PDZD2: variants seen among roughly 807,000 people sequenced by gnomAD.
PDZD2 encodes the protein PDZ domain-containing protein 2.
Under a neutral mutation model 220.7 loss-of-function variants are expected in PDZD2, and 90 were observed. That is an observed-to-expected ratio of 0.41 (90% CI 0.34 to 0.49). PDZD2 has a LOEUF of 0.49. Ranked by LOEUF, PDZD2 falls within the 20% of genes least tolerant of loss-of-function variation. The pLI is 0.28. For missense variants in PDZD2, 3,174 were observed against 3,608.5 expected, an observed-to-expected ratio of 0.88 and a Z score of 3.08; for synonymous variants, 1,375 against 1,450.5, an observed-to-expected ratio of 0.95 and a Z score of 1.18.
chr5:31,896,722 G>C (rs1313252078), intron 2 of PDZD2, among the ~76,000 whole-genome samples: 2 of 152,204 alleles, frequency 1.3e-5, no homozygotes, highest in South Asian at 4.1e-4. Context: ...CTTCACCAGA[G>C]GCCAAGGTGG....
intron 5 of PDZD2, among the ~76,000 whole-genome samples, chr5:32,001,871 C>T (rs915258476): frequency 1.4e-4 from 21 of 152,124 alleles, no homozygotes; most frequent in Admixed American, 3.9e-4. Context: ...GAGACTAGGG[C>T]AGAGGCTATG....
At chr5:32,015,688 G>C (rs1299002869) in intron 6 of PDZD2, among the ~76,000 whole-genome samples, 2 of 152,070 alleles carry the variant, frequency 1.3e-5, no homozygotes, top group Admixed American at 1.3e-4. Context: ...TGTAAATAAT[G>C]TCTTTGAAAA....
At chr5:31,954,401 T>C (rs568338715) in intron 2 of PDZD2, among the ~76,000 whole-genome samples, 1 of 152,256 alleles carries the variant, frequency 6.6e-6, no homozygotes, top group Non-Finnish European at 1.5e-5. Context: ...AATGTGTTTT[T>C]GTAAAATTTT....
At chr5:31,953,327 T>C (rs912130666) in intron 2 of PDZD2, among the ~76,000 whole-genome samples, 2 of 152,084 alleles carry the variant, frequency 1.3e-5, no homozygotes, top group Non-Finnish European at 2.9e-5. Context: ...GGGAAAAAAG[T>C]ATAAAGTTAA....
intron 2 of PDZD2, among the ~76,000 whole-genome samples, chr5:31,896,136 C>A (rs1359220102): frequency 6.6e-6 from 1 of 152,070 alleles, no homozygotes; most frequent in African/African-American, 2.4e-5. Context: ...GCACGTGACC[C>A]TCTCTGACAC....
At chr5:31,841,701 G>A (rs896301968) in intron 2 of PDZD2, among the ~76,000 whole-genome samples, 9 of 151,538 alleles carry the variant, frequency 5.9e-5, no homozygotes, top group African/African-American at 1.7e-4. Context: ...GGCTAGGTGC[G>A]GTGGCTCACA....
At chr5:31,911,812 G>A (rs1743232148) in intron 2 of PDZD2, among the ~76,000 whole-genome samples, 1 of 152,178 alleles carries the variant, frequency 6.6e-6, no homozygotes, top group Non-Finnish European at 1.5e-5. Context: ...CCAGGACTGC[G>A]CTTCTCTTCT....
intron 2 of PDZD2, among the ~76,000 whole-genome samples, chr5:31,844,370 C>G (rs562231846): frequency 1.3e-5 from 2 of 152,258 alleles, no homozygotes; most frequent in South Asian, 2.1e-4. Context: ...TTCTTGGAAG[C>G]AGATGTCCAT....
intron 2 of PDZD2, chr5:31,923,613 G>A: frequency 4.1e-6 from 3 of 737,170 alleles, no homozygotes; most frequent in East Asian, 2.7e-5. Flanking sequence ...GATAAGAGAT[G>A]GGACATCATT....
chr5:32,035,321 C>A, intron 6 of PDZD2, among the ~76,000 whole-genome samples: 1 of 151,760 alleles, frequency 6.6e-6, no homozygotes. Context: ...AGTGCAGTGG[C>A]GTGATCTCGG....
intron 4 of PDZD2, among the ~76,000 whole-genome samples, chr5:31,995,998 C>T (rs376827208): frequency 1.3e-5 from 2 of 152,138 alleles, no homozygotes; most frequent in Admixed American, 6.5e-5. Context: ...GTGAATGTTA[C>T]GTATCCTAAC....
intron 1 of PDZD2, among the ~76,000 whole-genome samples, chr5:31,715,243 T>A (rs1748375859): frequency 6.6e-6 from 1 of 152,140 alleles, no homozygotes; most frequent in South Asian, 2.1e-4. Flanking sequence ...GAGGGCTTTA[T>A]ACAAGAAGTT....
chr5:32,059,085 A>G (rs1466881572), intron 12 of PDZD2, among the ~76,000 whole-genome samples, 154 bp from the exon 13 acceptor site: 1 of 152,256 alleles, frequency 6.6e-6, no homozygotes, highest in African/African-American at 2.4e-5. Flanking sequence ...GCAAGTGTTG[A>G]CAAGGAAAAG....
At chr5:31,901,751 T>C (rs2150358684) in intron 2 of PDZD2, among the ~76,000 whole-genome samples, 1 of 152,332 alleles carries the variant, frequency 6.6e-6, no homozygotes, top group African/African-American at 2.4e-5. Flanking sequence ...CCTCCATCCA[T>C]TAGCAGTCAC....
chr5:32,073,608 G>T (rs533601559), intron 17 of PDZD2, among the ~76,000 whole-genome samples: 2 of 119,192 alleles, frequency 1.7e-5, no homozygotes, highest in East Asian at 6.4e-4. Flanking sequence ...AGAAAAGGGC[G>T]GGGGGGGTAG....
intron 2 of PDZD2, among the ~76,000 whole-genome samples, chr5:31,848,877 G>A (rs536857976): frequency 1.5e-4 from 23 of 152,156 alleles, no homozygotes; most frequent in East Asian, 5.8e-4. Flanking sequence ...GTGAAACCCC[G>A]TCTCTACTAA....
chr5:31,970,424 G>A lies in PDZD2; in HGVS notation c.477-12731G>A, dbSNP rs1749193375. Among the ~76,000 whole-genome samples, 3 of 152,092 alleles carry A rather than the reference G, an allele frequency of 2.0e-5. 1 individual carries two copies. The South Asian group carries it at 6.2e-4, about 32-fold the overall frequency. ...TAATCCCAGCACTTAGGGAAGCTAA[G>A]GTGAGCAGATCACTTGAGGTCAGGA... On this transcript the variant is annotated intron_variant, in intron 2 of 24. Coordinates refer to ENST00000438447, the MANE Select transcript of PDZD2 (RefSeq NM_178140.4).
chr5:31,900,406 G>A (rs1015484134), intron 2 of PDZD2, among the ~76,000 whole-genome samples: 3 of 152,220 alleles, frequency 2.0e-5, no homozygotes, highest in Non-Finnish European at 4.4e-5. Context: ...GATGGCTGAT[G>A]AAAGTCAGCC....
chr5:31,767,478 C>A lies in PDZD2; in HGVS notation c.-360-31411C>A, dbSNP rs75340221. Among the ~76,000 whole-genome samples the A allele has an allele frequency of 5.9e-3, 898 of 152,338 alleles. 11 individuals are homozygous for A. The highest frequency in any genetic ancestry group is 0.02 in the African/African-American group (843 of 41,578). The stretch of plus-strand genomic sequence containing the variant: ...GAAGGCAGCTCTTGGAACTGTTTTT[C>A]AGTATCACATGTTTTGCTGCTGTAT... On this transcript the variant is annotated intron_variant, in intron 1 of 24. Coordinates refer to ENST00000438447, the MANE Select transcript of PDZD2 (RefSeq NM_178140.4).
Sources: allele counts gnomAD v4.1 joint callset (sites outside exome capture counted in the v4.1 genomes callset), GRCh38; gene constraint gnomAD v4.1.1; transcripts MANE v1.5; gene names NCBI Gene and HGNC (gene_info 2026-07-23, HGNC 2026-07-21).